NOX4: variants seen among roughly 807,000 people sequenced by gnomAD.
NOX4 encodes NADPH oxidase 4.
Under a neutral mutation model 87.6 loss-of-function variants are expected in NOX4, and 69 were observed. That is an observed-to-expected ratio of 0.79 (90% CI 0.65 to 0.96). NOX4 has a LOEUF of 0.96. Ranked by LOEUF, NOX4 falls within the 40% of genes least tolerant of loss-of-function variation. The probability of loss-of-function intolerance (pLI) is 0.00; values close to 1 mark genes in which losing one functional copy is unlikely to be tolerated. For synonymous variants in NOX4, 275 were observed against 238.2 expected, an observed-to-expected ratio of 1.15 and a Z score of -1.42; for missense variants, 680 against 681.5, an observed-to-expected ratio of 1.00 and a Z score of 0.02.
At chr11:89,472,689 G>T (rs1946000915) in intron 2 of NOX4, among the ~76,000 whole-genome samples, 1 of 152,276 alleles carries the variant, frequency 6.6e-6, no homozygotes, top group Non-Finnish European at 1.5e-5. Context: ...TCCCAATTTT[G>T]TCTACCTTGT....
Position 89,421,924 on chromosome 11 carries a change from G to C in NOX4, c.607C>G (p.Leu203Val), listed in dbSNP as rs757288971. 1.3e-6 allele frequency: 2 copies of C among 1,570,890 alleles called. No individual in the cohort carries two copies. The highest frequency in any genetic ancestry group is 2.8e-5 in the African/African-American group (2 of 72,122). ...TACCCTGAAACATGCAACGTCAGCAGCATGTAGAAGACAAAGAAGAGGTTA... is the reference window on the plus strand; with the variant it reads ...TACCCTGAAACATGCAACGTCAGCACCATGTAGAAGACAAAGAAGAGGTTA... ...THNLFFVFYM[L>V]LTLHVSGGLL... The change falls in exon 8 of 18, where the codon CTG (leucine) becomes GTG (valine). Residue 203 changes from leucine to valine, a missense_variant. Transcript: ENST00000263317.
Position 89,491,203 on chromosome 11 carries a change from T to G in NOX4, c.44A>C (p.Lys15Thr). The G allele has an allele frequency of 6.2e-7, 1 of 1,613,900 alleles. No individual in the cohort carries two copies. Among genetic ancestry groups the G allele is most frequent in the Non-Finnish European group, 8.5e-7 (1 of 1,179,906 alleles). Residue 15 changes from lysine (K) to threonine (T), a missense_variant, in exon 1 of 18, where the codon AAA becomes ACA. Physicochemically the swap from Lys to Thr is moderately conservative, Grantham distance 78 (BLOSUM62 -1). Coordinates refer to ENST00000263317, the MANE Select transcript of NOX4 (RefSeq NM_016931.5). ...WRSWLANEGV[K>T]HLCLFIWLSM... ...CCGCCATCCTACCAGGCAGAGGTGTTTAACCCCTTCGTTGGCGAGCCAGCT... is the reference window on the plus strand; with the variant it reads ...CCGCCATCCTACCAGGCAGAGGTGTGTAACCCCTTCGTTGGCGAGCCAGCT...
At chr11:89,439,187 T>C (rs1029419561) in intron 6 of NOX4, among the ~76,000 whole-genome samples, 4 of 150,208 alleles carry the variant, frequency 2.7e-5, no homozygotes, top group Non-Finnish European at 5.9e-5. Flanking sequence ...AAACTTTATG[T>C]TTTAGAAAAT....
the NOX4 span, among the ~76,000 whole-genome samples, chr11:89,509,252 T>TAGAC: frequency 6.6e-6 from 1 of 151,678 alleles, no homozygotes; most frequent in Non-Finnish European, 1.5e-5. Context: ...ACTAATATAA[T>TAGAC]AGTGTCTCTT....
chr11:89,449,495 C>A lies in NOX4; in HGVS notation c.294G>T (p.Leu98Phe), dbSNP rs764537749. The A allele has an allele frequency of 6.2e-7, 1 of 1,611,892 alleles. No individual in the cohort carries two copies. Among genetic ancestry groups the A allele is most frequent in the Non-Finnish European group, 8.5e-7 (1 of 1,178,770 alleles). ...TAATATGGAATGTTCTGCTTTTATCCAACAATCTCCTGGTTCTCCTGCTTG... is the reference window on the plus strand; with the variant it reads ...TAATATGGAATGTTCTGCTTTTATCAAACAATCTCCTGGTTCTCCTGCTTG... ...KVPSRRTRRL[L>F]DKSRTFHITC... The change falls in exon 4 of 18, where the codon TTG (leucine) becomes TTT (phenylalanine). Residue 98 changes from leucine to phenylalanine, a missense_variant. Transcript: ENST00000263317.
At chr11:89,348,193 A>C (rs1366974401) in intron 13 of NOX4, among the ~76,000 whole-genome samples, 1 of 152,134 alleles carries the variant, frequency 6.6e-6, no homozygotes, top group African/African-American at 2.4e-5. Flanking sequence ...AGGCAGGCGG[A>C]TCACCAGAAT....
the NOX4 span, among the ~76,000 whole-genome samples, chr11:89,545,974 AT>A: frequency 6.6e-6 from 1 of 152,118 alleles, no homozygotes; most frequent in African/African-American, 2.4e-5. Context: ...CTATTACTTC[AT>A]TTTTGGTCTT....
intron 2 of NOX4, among the ~76,000 whole-genome samples, chr11:89,459,904 C>T (rs1945373611): frequency 6.6e-6 from 1 of 152,180 alleles, no homozygotes; most frequent in Non-Finnish European, 1.5e-5. Context: ...TACTTGACTT[C>T]AAACTATACT....
intron 1 of NOX4, among the ~76,000 whole-genome samples, chr11:89,497,780 A>G (rs951822132): frequency 6.6e-5 from 10 of 152,312 alleles, no homozygotes; most frequent in Admixed American, 6.5e-4. Context: ...GAACATCAGT[A>G]GGGTCTCAGT....
At chr11:89,491,161 C>G in intron 1 of NOX4, 29 bp downstream of exon 1, 2 of 1,608,310 alleles carry the variant, frequency 1.2e-6, no homozygotes, top group Non-Finnish European at 1.7e-6. Flanking sequence ...ACAGAGAGAA[C>G]GCAAGGAGAG....
At chr11:89,402,740 G>A (rs1478260881) in intron 8 of NOX4, among the ~76,000 whole-genome samples, 198 bp from the exon 9 acceptor site, 1 of 152,022 alleles carries the variant, frequency 6.6e-6, no homozygotes, top group Non-Finnish European at 1.5e-5. Flanking sequence ...CTTATCTATA[G>A]AACTAAAACA....
chr11:89,380,410 T>C (rs199702407), intron 11 of NOX4, among the ~76,000 whole-genome samples: 1 of 152,028 alleles, frequency 6.6e-6, no homozygotes, highest in East Asian at 1.9e-4. Flanking sequence ...ACATTTTTAG[T>C]AGTGTGCTTA....
intron 12 of NOX4, among the ~76,000 whole-genome samples, chr11:89,366,512 C>CA (rs1939001941): frequency 2.0e-5 from 3 of 151,692 alleles, no homozygotes; most frequent in South Asian, 2.1e-4. Context: ...CCTGCCTCTA[C>CA]AAAAAATATA....
upstream of NOX4, chr11:89,499,210 CCTTA>C (rs906979142): frequency 3.3e-5 from 5 of 152,162 alleles, no homozygotes; most frequent in Admixed American, 6.5e-5. Context: ...ATAGAGATTT[CCTTA>C]CTTACACCCC....
intron 2 of NOX4, among the ~76,000 whole-genome samples, chr11:89,464,367 T>G (rs1295013839): frequency 1.3e-5 from 2 of 152,118 alleles, no homozygotes; most frequent in African/African-American, 2.4e-5. Flanking sequence ...GAAGAAAACT[T>G]TTTACTAGGT....
At chr11:89,451,593 A>G (rs1051438073) in intron 3 of NOX4, among the ~76,000 whole-genome samples, 192 bp downstream of exon 3, 2 of 152,160 alleles carry the variant, frequency 1.3e-5, no homozygotes, top group Non-Finnish European at 2.9e-5. Flanking sequence ...TAATATTACT[A>G]TTATCCTCTG....
At chr11:89,413,538 CT>C (rs1243299573) in intron 8 of NOX4, among the ~76,000 whole-genome samples, 3 of 152,062 alleles carry the variant, frequency 2.0e-5, no homozygotes, top group Non-Finnish European at 4.4e-5. Context: ...GTGGGTGGAA[CT>C]GAGGTCATTG....
the NOX4 span, among the ~76,000 whole-genome samples, chr11:89,517,630 T>G: frequency 9.0e-6 from 1 of 110,674 alleles, no homozygotes; most frequent in African/African-American, 3.5e-5. Flanking sequence ...CACAACTGGC[T>G]AATTTTTTTT....
At chr11:89,422,571 A>G (rs936390665) in intron 7 of NOX4, among the ~76,000 whole-genome samples, 3 of 152,132 alleles carry the variant, frequency 2.0e-5, no homozygotes, top group African/African-American at 7.2e-5. Flanking sequence ...AAAGAGAAAC[A>G]GTTATTTTAT....
Sources: allele counts gnomAD v4.1 joint callset (sites outside exome capture counted in the v4.1 genomes callset), GRCh38; gene constraint gnomAD v4.1.1; transcripts MANE v1.5; gene names NCBI Gene and HGNC (gene_info 2026-07-23, HGNC 2026-07-21).